ELF5: variants seen among roughly 807,000 people sequenced by gnomAD.
ELF5 encodes E74 like ETS transcription factor 5.
A neutral mutation model predicts 38.2 loss-of-function variants in ELF5; 31 were observed. That is an observed-to-expected ratio of 0.81 (90% CI 0.61 to 1.10). The LOEUF is 1.10. Ranked by LOEUF, ELF5 falls within the 50% of genes least tolerant of loss-of-function variation. The pLI, the probability that ELF5 is intolerant of heterozygous loss-of-function variation, is 0.00. For synonymous variants in ELF5, 121 were observed against 112.5 expected (o/e 1.08, Z -0.48); for missense variants, 300 against 306.6 (o/e 0.98, Z 0.16).
intron 2 of ELF5, among the ~76,000 whole-genome samples, chr11:34,495,944 G>A (rs1850305179): frequency 6.6e-6 from 1 of 152,242 alleles, no homozygotes; most frequent in African/African-American, 2.4e-5. Flanking sequence ...ATGTTTATGA[G>A]CCTTGACATT....
At chr11:34,485,084 T>C (rs1849952423) in intron 4 of ELF5, among the ~76,000 whole-genome samples, 2 of 152,168 alleles carry the variant, frequency 1.3e-5, no homozygotes, top group African/African-American at 2.4e-5. Context: ...TGCCAAGTGC[T>C]TGGTAAGGGC....
rs1590321485 is a variant in ELF5, at chr11:34,484,411, C to G, written c.407-1912G>C. On this transcript the variant is annotated intron_variant, in intron 4 of 6. Coordinates refer to ENST00000257832, the MANE Select transcript of ELF5 (RefSeq NM_001422.4). ...ACTATACTATACTAACTATACTGCA[C>G]TATACTATACTAACTATACTGCACT... 2.0e-5 allele frequency among the ~76,000 whole-genome samples: 3 copies of G among 151,870 alleles called. No homozygotes were observed. In the South Asian group the frequency reaches 6.2e-4, roughly 32 times the overall value.
At chr11:34,505,923 C>T (rs1191105911) in intron 1 of ELF5, among the ~76,000 whole-genome samples, 170 bp from the exon 2 acceptor site, 2 of 152,194 alleles carry the variant, frequency 1.3e-5, no homozygotes, top group Non-Finnish European at 2.9e-5. Flanking sequence ...TTATTCCACC[C>T]TTGCCATATC....
chr11:34,480,671 T>C, intron 6 of ELF5, 101 bp downstream of exon 6: 1 of 1,347,186 alleles, frequency 7.4e-7, no homozygotes, highest in Non-Finnish European at 1.0e-6. Context: ...GACCTTTCCA[T>C]TATCAAGTAA....
In ELF5 at chr11:34,480,842, G is replaced by A; in HGVS notation, c.601C>T (p.Leu201=). Residue 201 remains leucine, a synonymous_variant, in exon 6 of 7, where the codon CTG becomes TTG. Coordinates refer to ENST00000257832, the MANE Select transcript of ELF5 (RefSeq NM_001422.4). The part of the protein sequence containing the change: ...GIFRVVKSEA[L]AKMWGQRKKN... ...TTCCTTTGTCCCCACATCTTTGCCA[G>A]GGCTTCCGATTTAACCACCCGAAAA... 6.2e-7 allele frequency: 1 copy of A among 1,613,954 alleles called. No individual in the cohort carries two copies. The highest frequency in any genetic ancestry group is 1.1e-5 in the South Asian group (1 of 91,068).
At position 34,486,899 on chromosome 11, in the gene ELF5, G is replaced by A. The variant is rs146908179; in HGVS notation, c.406+3110C>T. On this transcript the variant is annotated intron_variant, in intron 4 of 6. Coordinates refer to ENST00000257832, the MANE Select transcript of ELF5 (RefSeq NM_001422.4). ...GGATGCCACTTTCCTTATTGGCCAG[G>A]TCTTGGTCTTTGGATGGGACATCAG... 2.0e-3 allele frequency among the ~76,000 whole-genome samples: 307 copies of A among 152,316 alleles called. 1 individual carries two copies. Among genetic ancestry groups the A allele is most frequent in the African/African-American group, 7.0e-3 (291 of 41,568 alleles).
chr11:34,507,171 A>T lies in ELF5; in HGVS notation c.-4-1418T>A, dbSNP rs72927369. Among the ~76,000 whole-genome samples the T allele has an allele frequency of 2.6e-5, 4 of 152,298 alleles. No homozygotes were observed. The South Asian group carries it at 8.3e-4, about 32-fold the overall frequency. ...ATCTGTACTCCACTGTATATATACT[A>T]TCTCGCCTTCCTAAATCTGTGAAGA... is the stretch of plus-strand genomic sequence containing the variant. On this transcript the variant is annotated intron_variant, in intron 1 of 6. Coordinates refer to ENST00000257832, the MANE Select transcript of ELF5 (RefSeq NM_001422.4).
At chr11:34,492,682 C>T (rs1470571485) in intron 3 of ELF5, 1 of 152,230 alleles carries the variant, frequency 6.6e-6, no homozygotes, top group Non-Finnish European at 1.5e-5. Context: ...ATGGAGGTGT[C>T]ATTATCCCAT....
chr11:34,511,657 C>G, intron 1 of ELF5: 1 of 1,561,328 alleles, frequency 6.4e-7, no homozygotes, highest in Non-Finnish European at 8.8e-7. Flanking sequence ...AGAGGGTCCA[C>G]CGAGTTGGAG....
At chr11:34,493,770 C>T in intron 2 of ELF5, 58 bp from the exon 3 acceptor site, 1 of 1,482,488 alleles carries the variant, frequency 6.7e-7, no homozygotes, top group Non-Finnish European at 9.3e-7. Context: ...TTCGAGAGGG[C>T]CCCTGAAGGA....
intron 4 of ELF5, among the ~76,000 whole-genome samples, chr11:34,485,151 T>C (rs917187620): frequency 2.6e-5 from 4 of 151,396 alleles, no homozygotes; most frequent in Non-Finnish European, 5.9e-5. Flanking sequence ...ACTATTATGA[T>C]TTTCATTTTA....
At chr11:34,493,935 A>T (rs1377569576) in intron 2 of ELF5, among the ~76,000 whole-genome samples, 1 of 152,206 alleles carries the variant, frequency 6.6e-6, no homozygotes, top group Admixed American at 6.5e-5. Flanking sequence ...AGAGGGAATG[A>T]CAGGGGCAAG....
chr11:34,492,285 C>T (rs963625025), intron 3 of ELF5: 2 of 152,304 alleles, frequency 1.3e-5, no homozygotes, highest in Admixed American at 1.3e-4. Context: ...CCATTCTTAG[C>T]TTTTCTGCCT....
chr11:34,502,305 AT>A (rs1850492074), intron 2 of ELF5, among the ~76,000 whole-genome samples: 1 of 152,206 alleles, frequency 6.6e-6, no homozygotes, highest in East Asian at 1.9e-4. Flanking sequence ...TCCAGATAGT[AT>A]TTCCTGGGAG....
chr11:34,489,159 C>A (rs1850092772), intron 4 of ELF5, among the ~76,000 whole-genome samples: 1 of 152,214 alleles, frequency 6.6e-6, no homozygotes, highest in Non-Finnish European at 1.5e-5. Flanking sequence ...GCACCAAAAA[C>A]AAAACGAAAA....
rs192261194 is a variant in ELF5 at position 34,493,729 on chromosome 11, A to G, written c.122-17T>C. 5.3e-5 allele frequency: 85 copies of G among 1,609,612 alleles called. No individual in the cohort carries two copies. The highest frequency in any genetic ancestry group is 6.7e-5 in the Non-Finnish European group (79 of 1,176,314). The stretch of plus-strand genomic sequence containing the variant: ...AGTCACAGGCTGCACCAAAGGAGAA[A>G]GAAGTGAGGGACAACAGTCCCAAGA... On this transcript the variant is annotated splice_polypyrimidine_tract_variant and intron_variant, in intron 2 of 6. Coordinates refer to ENST00000257832, the MANE Select transcript of ELF5 (RefSeq NM_001422.4).
At chr11:34,486,937 G>A (rs978490145) in intron 4 of ELF5, among the ~76,000 whole-genome samples, 31 of 152,202 alleles carry the variant, frequency 2.0e-4, no homozygotes, top group African/African-American at 7.2e-4. Flanking sequence ...CTGAAAGGCA[G>A]CCTCTCATTT....
intron 2 of ELF5, among the ~76,000 whole-genome samples, chr11:34,498,843 G>A (rs983601223): frequency 6.6e-6 from 1 of 152,130 alleles, no homozygotes; most frequent in Non-Finnish European, 1.5e-5. Context: ...TGTAATCCCA[G>A]AACTTTGGGA....
At chr11:34,488,256 C>T (rs937034857) in intron 4 of ELF5, among the ~76,000 whole-genome samples, 8 of 152,118 alleles carry the variant, frequency 5.3e-5, no homozygotes, top group African/African-American at 1.9e-4. Context: ...AGCTACAGTG[C>T]CTAGCTCTGG....
Sources: gnomAD v4.1 joint callset for allele counts (sites outside exome capture counted in the v4.1 genomes callset) on GRCh38, gnomAD v4.1.1 for gene constraint, MANE v1.5 for transcripts, NCBI Gene and HGNC (gene_info 2026-07-23, HGNC 2026-07-21) for gene names.